The following FUT9 variants were observed in gnomAD, a reference collection of about 807,000 sequenced individuals.
The protein encoded by FUT9 is 4-galactosyl-N-acetylglucosaminide 3-alpha-L-fucosyltransferase 9.
In FUT9, 15 loss-of-function variants were observed where a neutral mutation model predicts 29.7. That is an observed-to-expected ratio of 0.51 (90% confidence interval 0.34 to 0.78). FUT9 has a LOEUF of 0.78. Ranked by LOEUF, FUT9 falls within the 30% of genes least tolerant of loss-of-function variation. FUT9 has a pLI of 0.01. For synonymous variants in FUT9, 169 were observed against 153.7 expected (o/e 1.10, Z -0.74); for missense variants, 319 against 425.4 (o/e 0.75, Z 2.20).
rs550060159 is a variant in FUT9, at chr6:96,130,353, C to A, written c.-9+16226C>A. Among the ~76,000 whole-genome samples the A allele has an allele frequency of 2.9e-3, 439 of 152,162 alleles. 4 individuals carry two copies. The highest frequency in any genetic ancestry group is 5.0e-3 in the Non-Finnish European group (338 of 67,984). On this transcript the variant is annotated intron_variant, in intron 2 of 2. Transcript: ENST00000302103. Reference sequence around the variant, plus strand: ...TAAATAAGATGAAGTAAAAATGTAACCTGGTGTGAATGCTAATGTCACATT... The same window carrying A: ...TAAATAAGATGAAGTAAAAATGTAAACTGGTGTGAATGCTAATGTCACATT...
At chr6:96,102,756 T>C (rs2127957433) in intron 1 of FUT9, among the ~76,000 whole-genome samples, 1 of 152,346 alleles carries the variant, frequency 6.6e-6, no homozygotes, top group African/African-American at 2.4e-5. Flanking sequence ...TTGAGTTTGA[T>C]ACCCACATCA....
intron 1 of FUT9, among the ~76,000 whole-genome samples, chr6:96,102,363 C>T (rs1172514421): frequency 2.0e-5 from 3 of 151,850 alleles, no homozygotes; most frequent in South Asian, 4.1e-4. Flanking sequence ...TAGGTCATTG[C>T]CATTAATTTA....
intron 2 of FUT9, among the ~76,000 whole-genome samples, chr6:96,182,771 G>T (rs1289717195): frequency 6.6e-6 from 1 of 151,904 alleles, no homozygotes; most frequent in African/African-American, 2.4e-5. Flanking sequence ...TTTATTTCTG[G>T]GTTCTCTATT....
rs1773854016 is a variant in FUT9 at position 96,207,454 on chromosome 6, T to C, written c.*3219T>C. On this transcript the variant is annotated 3_prime_UTR_variant, in exon 3 of 3. Transcript: ENST00000302103. ...TCGACTTTTGAAGGTATACAATAAA[T>C]AAAACATCAAACTTGTTAGCATTCG... 1 of 167,044 alleles carries C rather than the reference T, an allele frequency of 6.0e-6. No homozygotes were observed. 10.3% of individuals were successfully genotyped at this position (167,044 alleles called of 1,614,324 possible).
At chr6:96,110,586 G>A in intron 1 of FUT9, among the ~76,000 whole-genome samples, 1 of 152,110 alleles carries the variant, frequency 6.6e-6, no homozygotes, top group East Asian at 1.9e-4. Context: ...CAAGAGCGGT[G>A]GCAGCCACTT....
At chr6:96,071,830 C>G (rs1323382821) in intron 1 of FUT9, among the ~76,000 whole-genome samples, 1 of 151,834 alleles carries the variant, frequency 6.6e-6, no homozygotes, top group African/African-American at 2.4e-5. Flanking sequence ...AGACAGGGTT[C>G]CACTATGTTA....
intron 1 of FUT9, among the ~76,000 whole-genome samples, chr6:96,072,867 A>T (rs1582210826): frequency 1.3e-5 from 2 of 152,320 alleles, no homozygotes; most frequent in Non-Finnish European, 2.9e-5. Context: ...TTTCTAGTAT[A>T]TTGAGCAGAT....
At chr6:96,053,593 C>A (rs1770711374) in intron 1 of FUT9, among the ~76,000 whole-genome samples, 1 of 152,054 alleles carries the variant, frequency 6.6e-6, no homozygotes, top group African/African-American at 2.4e-5. Flanking sequence ...CCTATAGTCC[C>A]AGCTACTTGG....
chr6:96,043,278 C>T (rs1390672640), intron 1 of FUT9, among the ~76,000 whole-genome samples: 3 of 132,108 alleles, frequency 2.3e-5, no homozygotes, highest in Non-Finnish European at 4.7e-5. Context: ...GTCTTGATCT[C>T]CTGACCTCGT....
chr6:96,058,668 T>A (rs9485609), intron 1 of FUT9, among the ~76,000 whole-genome samples: 82,852 of 151,914 alleles, frequency 0.55, 22,706 homozygotes, highest in South Asian at 0.63. Flanking sequence ...CAGCGGGACC[T>A]AGCAGTACCA....
intron 1 of FUT9, among the ~76,000 whole-genome samples, chr6:96,096,646 C>A (rs1771500365): frequency 6.9e-6 from 1 of 145,974 alleles, no homozygotes; most frequent in Non-Finnish European, 1.5e-5. Flanking sequence ...CCTCCTTGTG[C>A]TTGCCATTCC....
At chr6:96,034,521 G>A (rs1367314390) in intron 1 of FUT9, among the ~76,000 whole-genome samples, 1 of 151,494 alleles carries the variant, frequency 6.6e-6, no homozygotes, top group Non-Finnish European at 1.5e-5. Context: ...TTAAATTATT[G>A]TCTTTATTTA....
At chr6:96,145,331 C>T (rs1217748292) in intron 2 of FUT9, among the ~76,000 whole-genome samples, 1 of 152,152 alleles carries the variant, frequency 6.6e-6, no homozygotes, top group Admixed American at 6.6e-5. Flanking sequence ...GCTGGGATTA[C>T]AGGATTGAGC....
At chr6:96,128,092 T>C (rs145797970) in intron 2 of FUT9, among the ~76,000 whole-genome samples, 1 of 152,226 alleles carries the variant, frequency 6.6e-6, no homozygotes, top group East Asian at 1.9e-4. Context: ...GTAAAGAGCT[T>C]TTTAAGCCAA....
chr6:96,175,603 G>A, intron 2 of FUT9, among the ~76,000 whole-genome samples: 1 of 152,108 alleles, frequency 6.6e-6, no homozygotes, highest in South Asian at 2.1e-4. Context: ...AAAATATAGA[G>A]TTTCTTGTTT....
intron 1 of FUT9, among the ~76,000 whole-genome samples, chr6:96,092,472 A>T (rs1046376764): frequency 2.6e-5 from 4 of 152,170 alleles, no homozygotes; most frequent in African/African-American, 7.2e-5. Context: ...TTAATATCAG[A>T]TTCTTTACTA....
chr6:96,183,730 T>G (rs1023534630), intron 2 of FUT9, among the ~76,000 whole-genome samples: 6 of 152,134 alleles, frequency 3.9e-5, no homozygotes, highest in Admixed American at 2.0e-4. Flanking sequence ...ATTCTGTTTA[T>G]GTGTTGTATC....
chr6:96,087,137 C>G (rs966840571), intron 1 of FUT9, among the ~76,000 whole-genome samples: 3 of 152,078 alleles, frequency 2.0e-5, no homozygotes, highest in African/African-American at 7.2e-5. Flanking sequence ...GACATTCTTA[C>G]AGAGCCAAAA....
intron 1 of FUT9, among the ~76,000 whole-genome samples, chr6:96,088,948 T>C (rs745313224): frequency 4.6e-5 from 7 of 152,228 alleles, no homozygotes; most frequent in African/African-American, 7.2e-5. Flanking sequence ...TAAACAGCTT[T>C]GACCATTTCC....
Sources: allele counts gnomAD v4.1 joint callset (sites outside exome capture counted in the v4.1 genomes callset), GRCh38; gene constraint gnomAD v4.1.1; transcripts MANE v1.5; gene names NCBI Gene and HGNC (gene_info 2026-07-23, HGNC 2026-07-21).